PGM1: variants seen among roughly 807,000 people sequenced by gnomAD.
PGM1 encodes the protein phosphoglucomutase 1.
A neutral mutation model predicts 55.6 loss-of-function variants in PGM1; 52 were observed. That is an observed-to-expected ratio of 0.94 (90% confidence interval 0.75 to 1.18). The LOEUF (loss-of-function observed/expected upper bound fraction) is 1.18, where lower values mean the gene tolerates loss of function less well. Ranked by LOEUF, PGM1 falls within the 50% of genes most tolerant of loss-of-function variation. The probability of loss-of-function intolerance (pLI) is 0.00; values close to 1 mark genes in which losing one functional copy is unlikely to be tolerated. For missense variants in PGM1, 724 were observed against 729.3 expected (o/e 0.99, Z 0.08); for synonymous variants, 287 against 271.7 (o/e 1.06, Z -0.55).
chr1:63,613,606 T>TCC (rs1349152595), intron 1 of PGM1, among the ~76,000 whole-genome samples: 1 of 151,930 alleles, frequency 6.6e-6, no homozygotes, highest in Admixed American at 6.6e-5. Flanking sequence ...GCCACCCTAA[T>TCC]CCAGTATGCT....
At chr1:63,595,198 T>C (rs3850636) in intron 1 of PGM1, among the ~76,000 whole-genome samples, 38,654 of 152,078 alleles carry the variant, frequency 0.25, 6,573 homozygotes, top group African/African-American at 0.49. Flanking sequence ...TGCCAAGCAC[T>C]ATGGTAAGCG....
In PGM1 at chr1:63,638,775, T is replaced by C. The variant is rs1649431809; in HGVS notation, c.1119T>C (p.Leu373=). 2 of 1,613,798 alleles carry C rather than the reference T, an allele frequency of 1.2e-6. No individual in the cohort carries two copies. Among genetic ancestry groups the C allele is most frequent in the East Asian group, 4.5e-5 (2 of 44,880 alleles). Residue 373 remains leucine, a synonymous_variant, in exon 7 of 11, where the codon CTT becomes CTC. Transcript: ENST00000371084. ...GNLMDASKLS[L]CGEESFGTGS... ...TGATGGACGCGAGCAAACTGTCCCTTTGTGGGGAGGAGAGCTTCGGGACCG... is the reference window on the plus strand; with the variant it reads ...TGATGGACGCGAGCAAACTGTCCCTCTGTGGGGAGGAGAGCTTCGGGACCG...
chr1:63,612,205 C>T (rs565025625), intron 1 of PGM1, among the ~76,000 whole-genome samples: 10 of 151,700 alleles, frequency 6.6e-5, no homozygotes, highest in Admixed American at 1.3e-4. Flanking sequence ...TGCAGTGAGC[C>T]GAGATCACAC....
At chr1:63,601,862 TAA>T (rs1404944524) in intron 1 of PGM1, among the ~76,000 whole-genome samples, 4 of 152,198 alleles carry the variant, frequency 2.6e-5, no homozygotes, top group Non-Finnish European at 5.9e-5. Context: ...CCCCAAGGCA[TAA>T]AGACAGCCCT....
At chr1:63,649,273 G>T (rs1050496467) in intron 8 of PGM1, among the ~76,000 whole-genome samples, 1 of 151,958 alleles carries the variant, frequency 6.6e-6, no homozygotes, top group Admixed American at 6.6e-5. Flanking sequence ...GATTTCCATC[G>T]GGTACTTGGA....
At chr1:63,645,991 C>A (rs1649635807) in intron 7 of PGM1, among the ~76,000 whole-genome samples, 1 of 152,098 alleles carries the variant, frequency 6.6e-6, no homozygotes, top group Non-Finnish European at 1.5e-5. Flanking sequence ...GATGCCACCC[C>A]AGATGTTTTG....
At position 63,654,370 on chromosome 1, in the gene PGM1, C is replaced by T. The variant is rs773143958; in HGVS notation, c.1503C>T (p.Val501=). ...TTTTCACAGATGGTTCTCGAATCGT[C>T]TTCCGACTGAGCGGCACTGGGAGTG... ...RLIFTDGSRI[V]FRLSGTGSAG... is the part of the protein sequence containing the mutation. The change falls in exon 10 of 11, where the codon GTC becomes GTT. Residue 501 remains valine, a synonymous_variant. Transcript: ENST00000371084. 6.2e-7 allele frequency: 1 copy of T among 1,614,096 alleles called. No individual in the cohort carries two copies. Among genetic ancestry groups the T allele is most frequent in the South Asian group, 1.1e-5 (1 of 91,068 alleles).
At chr1:63,614,912 A>G (rs1261225655) in intron 1 of PGM1, among the ~76,000 whole-genome samples, 1 of 152,056 alleles carries the variant, frequency 6.6e-6, no homozygotes, top group Non-Finnish European at 1.5e-5. Flanking sequence ...ACCTTTGAGC[A>G]GGCATCATTG....
chr1:63,648,115 A>G (rs1474095827), intron 7 of PGM1, among the ~76,000 whole-genome samples: 1 of 152,166 alleles, frequency 6.6e-6, no homozygotes, highest in African/African-American at 2.4e-5. Context: ...TCACACTGCT[A>G]TAAAGAACTA....
intron 1 of PGM1, among the ~76,000 whole-genome samples, chr1:63,612,113 C>T (rs768751036): frequency 3.1e-4 from 47 of 151,014 alleles, no homozygotes; most frequent in East Asian, 4.0e-4. Context: ...AAAAATTAGC[C>T]GGGCATGGTG....
chr1:63,620,225 T>C (rs1319880324), intron 1 of PGM1, among the ~76,000 whole-genome samples: 1 of 152,194 alleles, frequency 6.6e-6, no homozygotes, highest in African/African-American at 2.4e-5. Context: ...GCCCTTCCCG[T>C]TAGAATGTAG....
intron 8 of PGM1, among the ~76,000 whole-genome samples, chr1:63,648,980 C>T (rs1649732733): frequency 6.6e-6 from 1 of 152,136 alleles, no homozygotes; most frequent in Non-Finnish European, 1.5e-5. Context: ...ATTTCTTCCC[C>T]TTACTAGATT....
At chr1:63,605,725 C>A (rs539187041) in intron 1 of PGM1, among the ~76,000 whole-genome samples, 4 of 152,214 alleles carry the variant, frequency 2.6e-5, no homozygotes, top group Admixed American at 2.0e-4. Flanking sequence ...GCATGCACCA[C>A]TACACCTGGC....
intron 8 of PGM1, 79 bp from the exon 9 acceptor site, chr1:63,651,590 G>A: frequency 4.4e-6 from 6 of 1,367,924 alleles, no homozygotes; most frequent in East Asian, 2.4e-5. Flanking sequence ...CCAAACAAAT[G>A]ATGAAGAAAG....
At chr1:63,630,446 A>G (rs568041428) in intron 3 of PGM1, among the ~76,000 whole-genome samples, 1 of 152,338 alleles carries the variant, frequency 6.6e-6, no homozygotes, top group Non-Finnish European at 1.5e-5. Context: ...TTATTCTCAC[A>G]GTAGATCTGT....
chr1:63,621,425 G>A (rs1648876110), intron 1 of PGM1, among the ~76,000 whole-genome samples: 2 of 152,084 alleles, frequency 1.3e-5, no homozygotes, highest in Admixed American at 1.3e-4. Context: ...GTGGTTGGCT[G>A]CTCTGTTATT....
chr1:63,617,474 A>C (rs1648768532), intron 1 of PGM1, among the ~76,000 whole-genome samples: 1 of 152,082 alleles, frequency 6.6e-6, no homozygotes. Flanking sequence ...TTGGGAGGCC[A>C]GGCGGGCAGA....
chr1:63,654,080 C>T (rs1439447226), intron 9 of PGM1, among the ~76,000 whole-genome samples: 3 of 152,192 alleles, frequency 2.0e-5, no homozygotes, highest in Middle Eastern at 3.2e-3. Flanking sequence ...TCACATCACC[C>T]AGCATCACTG....
Position 63,659,667 on chromosome 1 carries a change from A to G in PGM1, c.1681A>G (p.Ile561Val). The G allele has an allele frequency of 6.2e-7, 1 of 1,611,110 alleles. No individual in the cohort carries two copies. ...ERTGRTAPTV[I>V]T ...GACGGGACGCACTGCACCCACTGTC[A>G]TCACCTAAGAAGACAGGCCTGATGT... Residue 561 changes from isoleucine to valine, a missense_variant, in exon 11 of 11, where the codon ATC becomes GTC. Transcript: ENST00000371084.
Sources: allele counts gnomAD v4.1 joint callset (sites outside exome capture counted in the v4.1 genomes callset), GRCh38; gene constraint gnomAD v4.1.1; transcripts MANE v1.5; gene names NCBI Gene and HGNC (gene_info 2026-07-23, HGNC 2026-07-21).